MS4A6A: variants seen among roughly 807,000 people sequenced by gnomAD.
The protein encoded by MS4A6A is membrane-spanning 4-domains subfamily A member 6A.
In MS4A6A, 19 loss-of-function variants were observed where a neutral mutation model predicts 20.6. The ratio of observed to expected loss-of-function variants is 0.92; its 90% CI spans 0.64 to 1.36. The LOEUF (loss-of-function observed/expected upper bound fraction) is 1.36, where lower values mean the gene tolerates loss of function less well. Ranked by LOEUF, MS4A6A falls within the 40% of genes most tolerant of loss-of-function variation. MS4A6A has a pLI of 0.00. For missense variants in MS4A6A, 272 were observed against 261.1 expected, an observed-to-expected ratio of 1.04 and a Z score of -0.29; for synonymous variants, 108 against 105.0, an observed-to-expected ratio of 1.03 and a Z score of -0.17.
At chr11:60,179,757 G>A in intron 3 of MS4A6A, 74 bp downstream of exon 3, 2 of 1,541,646 alleles carry the variant, frequency 1.3e-6, no homozygotes, top group Non-Finnish European at 9.0e-7. Context: ...CAAGCTGGCA[G>A]GTGGGAAGTC....
At chr11:60,179,633 T>G in intron 3 of MS4A6A, 198 bp downstream of exon 3, 1 of 650,400 alleles carries the variant, frequency 1.5e-6, no homozygotes, top group Non-Finnish European at 2.7e-6. Flanking sequence ...TCAAAAGAAA[T>G]GTTTATTTGA....
At chr11:60,172,352 T>C, downstream of MS4A6A, 1 of 1,506,718 alleles carries the variant, frequency 6.6e-7, no homozygotes, top group Non-Finnish European at 8.8e-7. Context: ...AATTCTTAGC[T>C]AATCCAAGAT....
At chr11:60,175,932 G>C (rs186108587) in intron 4 of MS4A6A, among the ~76,000 whole-genome samples, 7 of 152,306 alleles carry the variant, frequency 4.6e-5, no homozygotes, top group Admixed American at 1.3e-4. Context: ...ATTACCAAGA[G>C]AGCGTGACCC....
rs118088285 is a variant in MS4A6A at position 60,179,435 on chromosome 11, G to C, written c.282+396C>G. The C allele has an allele frequency of 2.9e-3, 1,427 of 497,830 alleles. 21 individuals are homozygous for C. In the East Asian group the frequency reaches 0.036, roughly 13 times the overall value. The allele number at this position is 497,830 out of a possible 1,614,324, so 30.8% of individuals were successfully genotyped here. ...CTTCCTCCATGATCCCCACAAGCAT[G>C]GGGGGGATAACAGTGTGGTTTCTCT... On this transcript the variant is annotated intron_variant, in intron 3 of 5. Coordinates refer to ENST00000528851, the MANE Select transcript of MS4A6A (RefSeq NM_022349.4).
Position 60,183,028 on chromosome 11 carries a change from A to T in MS4A6A, c.-65T>A. 7.0e-7 allele frequency: 1 copy of T among 1,433,588 alleles called. No homozygotes were observed. The allele number at this position is 1,433,588 out of a possible 1,614,324, so 88.8% of individuals were successfully genotyped here. On this transcript the variant is annotated 5_prime_UTR_variant, in exon 1 of 6. Transcript: ENST00000528851. Reference sequence around the variant, plus strand: ...CCTCAGAAGCTCCAAAGAGGTTTTAACTCTGGTTTCTCAGTCCCATCAACG... The same window carrying T: ...CCTCAGAAGCTCCAAAGAGGTTTTATCTCTGGTTTCTCAGTCCCATCAACG...
At chr11:60,172,344 T>C (rs999104036), downstream of MS4A6A, 2 of 1,524,726 alleles carry the variant, frequency 1.3e-6, no homozygotes, top group Non-Finnish European at 1.8e-6. Context: ...ATACATAGAA[T>C]TCTTAGCTAA....
downstream of MS4A6A, chr11:60,172,424 A>G: frequency 7.4e-7 from 1 of 1,351,728 alleles, no homozygotes; most frequent in Non-Finnish European, 9.5e-7. Context: ...TATTCATTCT[A>G]CACTCTATAA....
At chr11:60,179,573 C>G (rs1857019990) in intron 3 of MS4A6A, 1 of 587,532 alleles carries the variant, frequency 1.7e-6, no homozygotes, top group Non-Finnish European at 3.0e-6. Flanking sequence ...GGAGAGAAGT[C>G]ACTAGCTTCA....
chr11:60,177,296 G>C (rs1024461744), intron 4 of MS4A6A: 1 of 152,076 alleles, frequency 6.6e-6, no homozygotes, highest in Non-Finnish European at 1.5e-5. Flanking sequence ...GCATTTTTCT[G>C]GATGCCGTTT....
At chr11:60,183,366 AT>A (rs1440179341), upstream of MS4A6A, 1 of 577,250 alleles carries the variant, frequency 1.7e-6, no homozygotes, top group Admixed American at 3.4e-5. Context: ...ACACTGGAGA[AT>A]TGTCATAAAG....
Position 60,182,915 on chromosome 11 carries a change from C to T in MS4A6A, c.-15+63G>A, listed in dbSNP as rs2083815870. On this transcript the variant is annotated intron_variant, in intron 1 of 5. Coordinates refer to ENST00000528851, the MANE Select transcript of MS4A6A (RefSeq NM_022349.4). The stretch of plus-strand genomic sequence containing the variant: ...TGTCAAGGAGTTTCAAGTTAAATTA[C>T]TCCTCTAATGAGGTCACGGCAAGGG... 5 of 1,011,388 alleles carry T rather than the reference C, an allele frequency of 4.9e-6. No individual in the cohort carries two copies. In the East Asian group the frequency reaches 1.5e-4, roughly 29 times the overall value. 62.7% of individuals were successfully genotyped at this position (1,011,388 alleles called of 1,614,324 possible). A position where few individuals can be genotyped will look rare whatever the true frequency, so the allele number is the denominator to read the frequency against.
rs1336942039 is a variant in MS4A6A at position 60,178,141 on chromosome 11, C to A, written c.339+119G>T. 3.4e-6 allele frequency: 3 copies of A among 892,068 alleles called. No individual in the cohort carries two copies. The East Asian group carries it at 7.3e-5, about 22-fold the overall frequency. 55.3% of individuals were successfully genotyped at this position (892,068 alleles called of 1,614,324 possible). A position where few individuals can be genotyped will look rare whatever the true frequency, so the allele number is the denominator to read the frequency against. On this transcript the variant is annotated intron_variant, in intron 4 of 5. Transcript: ENST00000528851. Reference sequence around the variant, plus strand: ...CAGGCCCAGCTCCTAATTCTAACAACAACCAACTGCTCTGGAACTGAGTTT... The same window carrying A: ...CAGGCCCAGCTCCTAATTCTAACAAAAACCAACTGCTCTGGAACTGAGTTT...
At chr11:60,171,949 C>A (rs1477305142), downstream of MS4A6A, 1 of 431,910 alleles carries the variant, frequency 2.3e-6, no homozygotes, top group Non-Finnish European at 4.1e-6. Context: ...AATTTACAGC[C>A]CCGTGCTTTT....
downstream of MS4A6A, chr11:60,172,371 C>T: frequency 2.7e-6 from 4 of 1,461,382 alleles, no homozygotes; most frequent in South Asian, 6.1e-5. Context: ...ATAAGTAGAG[C>T]ATATCACCAG....
chr11:60,180,083 C>G, intron 2 of MS4A6A, 118 bp from the exon 3 acceptor site: 1 of 1,031,712 alleles, frequency 9.7e-7, no homozygotes, highest in Non-Finnish European at 1.4e-6. Context: ...AATGAGGATA[C>G]AAACCCTGTG....
chr11:60,180,148 C>T, intron 2 of MS4A6A, 183 bp from the exon 3 acceptor site: 1 of 621,496 alleles, frequency 1.6e-6, no homozygotes, highest in Non-Finnish European at 2.8e-6. Context: ...GCAGCTCTGC[C>T]ACAGAAGCCA....
At position 60,173,127 on chromosome 11, in the gene MS4A6A, T is replaced by C; in HGVS notation, c.552A>G (p.Gly184=). ...TGCAAATCAGCATCAGAGAGAGAGT[T>C]CCCTGAAAGTCAAGAAATAAAAGAT... ...DCYTAKASLA[G]TLSLMLICTL... is the part of the protein sequence containing the mutation. The change falls in exon 6 of 6, where the codon GGA becomes GGG. Residue 184 remains glycine, a splice_region_variant and synonymous_variant. Coordinates refer to ENST00000528851, the MANE Select transcript of MS4A6A (RefSeq NM_022349.4). 6.2e-7 allele frequency: 1 copy of C among 1,612,800 alleles called. No individual in the cohort carries two copies. The highest frequency in any genetic ancestry group is 1.1e-5 in the South Asian group (1 of 91,046).
At chr11:60,181,243 G>A (rs1278037672) in intron 2 of MS4A6A, 3 of 398,680 alleles carry the variant, frequency 7.5e-6, no homozygotes, top group Non-Finnish European at 9.5e-6. Flanking sequence ...GGATTATTAA[G>A]CATGCAGTTG....
Position 60,179,824 on chromosome 11 carries a change from T to C in MS4A6A, c.282+7A>G. 2 of 1,614,020 alleles carry C rather than the reference T, an allele frequency of 1.2e-6. No individual in the cohort carries two copies. The highest frequency in any genetic ancestry group is 1.7e-6 in the Non-Finnish European group (2 of 1,179,962). ...CCCATCCTGCCCTCCTCAGAAACTCTACTCACAAAAAAGGGTCCTATGAAT... is the reference window on the plus strand; with the variant it reads ...CCCATCCTGCCCTCCTCAGAAACTCCACTCACAAAAAAGGGTCCTATGAAT... On this transcript the variant is annotated splice_region_variant and intron_variant, in intron 3 of 5. Coordinates refer to ENST00000528851, the MANE Select transcript of MS4A6A (RefSeq NM_022349.4).
Sources: gnomAD v4.1 joint callset for allele counts (sites outside exome capture counted in the v4.1 genomes callset) on GRCh38, gnomAD v4.1.1 for gene constraint, MANE v1.5 for transcripts, NCBI Gene and HGNC (gene_info 2026-07-23, HGNC 2026-07-21) for gene names.